The following TACC2 variants were observed in gnomAD, a reference collection of about 807,000 sequenced individuals.
The protein encoded by TACC2 is transforming acidic coiled-coil containing protein 2, also known as transforming acidic coiled-coil-containing protein 2.
Under a neutral mutation model 227.3 loss-of-function variants are expected in TACC2, and 137 were observed. That is an observed-to-expected ratio of 0.60 (90% CI 0.52 to 0.69). The LOEUF (loss-of-function observed/expected upper bound fraction) is 0.69. TACC2 is among the 30% of genes least tolerant of loss of function. TACC2 has a pLI of 0.00. For missense variants in TACC2, 3,470 were observed against 3,694.4 expected (o/e 0.94, Z 1.57); for synonymous variants, 1,523 against 1,487.5 (o/e 1.02, Z -0.55).
intron 1 of TACC2, among the ~76,000 whole-genome samples, chr10:121,991,543 A>G (rs1953026777): frequency 6.6e-6 from 1 of 152,236 alleles, no homozygotes; most frequent in South Asian, 2.1e-4. Flanking sequence ...TAATTAATGA[A>G]TGAATGTTTT....
intron 3 of TACC2, among the ~76,000 whole-genome samples, chr10:122,080,020 C>A (rs2137003854): frequency 6.6e-6 from 1 of 152,248 alleles, no homozygotes; most frequent in Middle Eastern, 3.4e-3. Flanking sequence ...AAGAAAACAC[C>A]ACAACTTGAG....
At chr10:122,229,511 T>C (rs1554856558) in intron 15 of TACC2, 25 bp downstream of exon 15, 1 of 1,613,596 alleles carries the variant, frequency 6.2e-7, no homozygotes, top group Non-Finnish European at 8.5e-7. Flanking sequence ...TGTGACCTTT[T>C]GGGAGTTTGT....
chr10:122,143,485 T>A, intron 6 of TACC2, 87 bp from the exon 7 acceptor site: 1 of 1,159,474 alleles, frequency 8.6e-7, no homozygotes, highest in Non-Finnish European at 1.1e-6. Context: ...TGTGGGCGGG[T>A]GGGTTGGGTG....
At chr10:122,207,403 A>G (rs4751879) in intron 8 of TACC2, among the ~76,000 whole-genome samples, 2,861 of 152,224 alleles carry the variant, frequency 0.019, 50 homozygotes, top group Middle Eastern at 0.041. Context: ...CTGCTCTGGT[A>G]ACCAACACAA....
At chr10:122,243,693 G>A (rs1166032319) in intron 19 of TACC2, among the ~76,000 whole-genome samples, 2 of 152,194 alleles carry the variant, frequency 1.3e-5, no homozygotes, top group African/African-American at 4.8e-5. Context: ...CTTATGTGGT[G>A]TTTGGCAAGT....
chr10:122,053,188 G>A (rs148613021), intron 3 of TACC2, among the ~76,000 whole-genome samples: 21 of 152,280 alleles, frequency 1.4e-4, no homozygotes, highest in African/African-American at 4.8e-4. Flanking sequence ...ACAGTTCCAC[G>A]TGGCTGGGGA....
chr10:122,180,153 G>A lies in TACC2; in HGVS notation c.5835-14887G>A, dbSNP rs902428185. Reference sequence around the variant, plus strand: ...TTTCAGACTCCTCATGGGTCTCAGCGAGGCCAGGTCATTGTCATTGTTACC... The same window carrying A: ...TTTCAGACTCCTCATGGGTCTCAGCAAGGCCAGGTCATTGTCATTGTTACC... On this transcript the variant is annotated intron_variant, in intron 7 of 22. Transcript: ENST00000369005. This position sits in a 1 kb window ranked among gnomAD's most constrained non-coding sequence, Gnocchi z 4.5. 2.0e-5 allele frequency among the ~76,000 whole-genome samples: 3 copies of A among 151,982 alleles called. No homozygotes were observed. The highest frequency in any genetic ancestry group is 4.4e-5 in the Non-Finnish European group (3 of 68,008).
intron 7 of TACC2, among the ~76,000 whole-genome samples, chr10:122,161,304 T>C (rs952429432): frequency 9.2e-5 from 14 of 152,330 alleles, no homozygotes; most frequent in Non-Finnish European, 1.2e-4. Context: ...TAATATGCCC[T>C]GTCACTACAT....
chr10:122,167,656 T>C (rs757972464), intron 7 of TACC2, among the ~76,000 whole-genome samples: 9 of 152,150 alleles, frequency 5.9e-5, no homozygotes, highest in Non-Finnish European at 1.0e-4. Context: ...CTTTGGGAGC[T>C]GTAGAGAAAA....
chr10:122,175,570 T>C (rs1239964765), intron 7 of TACC2, among the ~76,000 whole-genome samples: 3 of 152,206 alleles, frequency 2.0e-5, no homozygotes, highest in Non-Finnish European at 2.9e-5. Context: ...TTTATTTTTC[T>C]GGATACTGTT....
At chr10:122,064,855 T>C (rs375948355) in intron 3 of TACC2, among the ~76,000 whole-genome samples, 1 of 152,198 alleles carries the variant, frequency 6.6e-6, no homozygotes, top group East Asian at 1.9e-4. Flanking sequence ...TTGTCTGAAT[T>C]TGAGAGCTTG....
intron 7 of TACC2, among the ~76,000 whole-genome samples, chr10:122,191,436 C>T (rs1454665250): frequency 1.3e-5 from 2 of 152,108 alleles, no homozygotes; most frequent in Non-Finnish European, 1.5e-5. Context: ...CTTTTGGCTT[C>T]CCTGGGCCAC....
At chr10:122,120,824 G>C (rs184290277) in intron 5 of TACC2, among the ~76,000 whole-genome samples, 1 of 151,798 alleles carries the variant, frequency 6.6e-6, no homozygotes, top group Non-Finnish European at 1.5e-5. Flanking sequence ...GCAGTGGCGC[G>C]ATCTCAGCTC....
chr10:122,005,558 G>A (rs1038791867), intron 1 of TACC2, among the ~76,000 whole-genome samples: 24 of 149,294 alleles, frequency 1.6e-4, no homozygotes, highest in African/African-American at 5.9e-4. Flanking sequence ...CTGATTTTTT[G>A]TATTTTTAGT....
chr10:122,162,606 G>A, intron 7 of TACC2, among the ~76,000 whole-genome samples: 1 of 152,212 alleles, frequency 6.6e-6, no homozygotes, highest in Non-Finnish European at 1.5e-5. Context: ...ATACAGAGAT[G>A]AACTCTTTCT....
chr10:122,113,349 G>T (rs183558268), intron 5 of TACC2: 1 of 152,300 alleles, frequency 6.6e-6, no homozygotes, highest in East Asian at 1.9e-4. Context: ...GCTTTCCCCG[G>T]CAGGGACTGG....
At chr10:122,187,615 T>C (rs2140399789) in intron 7 of TACC2, among the ~76,000 whole-genome samples, 1 of 151,982 alleles carries the variant, frequency 6.6e-6, no homozygotes, top group East Asian at 1.9e-4. Flanking sequence ...CTCAGCCCCG[T>C]GAGTAGCTGG....
intron 10 of TACC2, among the ~76,000 whole-genome samples, chr10:122,216,089 A>AGAGTG (rs2095399139): frequency 6.6e-6 from 1 of 152,184 alleles, no homozygotes; most frequent in Non-Finnish European, 1.5e-5. Flanking sequence ...GACCCTGGCC[A>AGAGTG]GAGTGGGGGC....
At chr10:122,062,302 G>A (rs573784393) in intron 3 of TACC2, among the ~76,000 whole-genome samples, 37 of 152,072 alleles carry the variant, frequency 2.4e-4, no homozygotes, top group African/African-American at 8.2e-4. Flanking sequence ...CAAAGTGCTG[G>A]GATTACAGGC....
Sources: gnomAD v4.1 joint callset for allele counts (sites outside exome capture counted in the v4.1 genomes callset) on GRCh38, gnomAD v4.1.1 for gene constraint, Gnocchi (gnomAD v3.1) non-coding constraint, MANE v1.5 for transcripts, NCBI Gene and HGNC (gene_info 2026-07-23, HGNC 2026-07-21) for gene names.